Variants in ANKS6 observed in about 807,000 individuals in gnomAD.
The protein encoded by ANKS6 is ankyrin repeat and SAM domain-containing protein 6.
ANKS6 carries 47 observed loss-of-function variants against 77.9 expected under a neutral mutation model. That is an observed-to-expected ratio of 0.60 (90% confidence interval 0.48 to 0.77). ANKS6 has a LOEUF of 0.77. ANKS6 is among the 30% of genes least tolerant of loss of function. The pLI is 0.00. For missense variants in ANKS6, 1,150 were observed against 1,159.1 expected (o/e 0.99, Z 0.11); for synonymous variants, 488 against 501.7 (o/e 0.97, Z 0.37).
chr9:98,738,526 CCA>C (rs1176886144), intron 14 of ANKS6, among the ~76,000 whole-genome samples: 2 of 151,442 alleles, frequency 1.3e-5, no homozygotes, highest in Non-Finnish European at 2.9e-5. Context: ...TAAATCAAAA[CCA>C]CAATGTGGTA....
chr9:98,759,646 G>T (rs1207749385), intron 11 of ANKS6, among the ~76,000 whole-genome samples: 1 of 152,152 alleles, frequency 6.6e-6, no homozygotes, highest in East Asian at 1.9e-4. Context: ...GGTTTATATG[G>T]ATTATTATTC....
Position 98,796,542 on chromosome 9 carries a change from C to T in ANKS6, c.-51G>A, listed in dbSNP as rs1835190577. The T allele has an allele frequency of 9.3e-6, 9 of 969,254 alleles. No homozygotes were observed. Among genetic ancestry groups the T allele is most frequent in the Non-Finnish European group, 1.1e-5 (9 of 816,134 alleles). 60.0% of individuals were successfully genotyped at this position (969,254 alleles called of 1,614,324 possible). A position where few individuals can be genotyped will look rare whatever the true frequency, so the allele number is the denominator to read the frequency against. On this transcript the variant is annotated 5_prime_UTR_variant, in exon 1 of 15. Transcript: ENST00000353234. ...CCGTCCGCCCCGCCGGCCGCGTCGG[C>T]TCCGCCCCCGGATACCGCCCGCAGG...
chr9:98,745,698 C>T (rs766607229), intron 13 of ANKS6, 23 bp from the exon 14 acceptor site: 4 of 1,576,200 alleles, frequency 2.5e-6, no homozygotes, highest in Non-Finnish European at 3.5e-6. Flanking sequence ...AGGGGATTTG[C>T]CACCATCTGC....
At position 98,754,596 on chromosome 9, in the gene ANKS6, C is replaced by T. The variant is rs1446898210; in HGVS notation, c.2326+1824G>A. Among the ~76,000 whole-genome samples, 9 of 151,550 alleles carry T rather than the reference C, an allele frequency of 5.9e-5. No individual in the cohort carries two copies. The East Asian group carries it at 7.8e-4, about 13-fold the overall frequency. On this transcript the variant is annotated intron_variant, in intron 12 of 14. Coordinates refer to ENST00000353234, the MANE Select transcript of ANKS6 (RefSeq NM_173551.5). ...GGAGGAGCTTGCAGTGAGCCGAGATCGCGCCACTGCACTCCAGCATGGGTG... is the reference window on the plus strand; with the variant it reads ...GGAGGAGCTTGCAGTGAGCCGAGATTGCGCCACTGCACTCCAGCATGGGTG...
intron 10 of ANKS6, among the ~76,000 whole-genome samples, chr9:98,769,219 T>G (rs761294047): frequency 9.2e-5 from 14 of 152,044 alleles, no homozygotes; most frequent in Non-Finnish European, 1.8e-4. Context: ...ATGACTAACA[T>G]TTATAGAGGA....
At chr9:98,780,596 AGT>A in intron 5 of ANKS6, among the ~76,000 whole-genome samples, 1 of 152,228 alleles carries the variant, frequency 6.6e-6, no homozygotes, top group African/African-American at 2.4e-5. Flanking sequence ...TGTGTTTAAA[AGT>A]GCAGGCTTCA....
rs756699350 is a variant in ANKS6 at position 98,774,083 on chromosome 9, GAA to G, written c.1618-5_1618-4del. On this transcript the variant is annotated splice_polypyrimidine_tract_variant and splice_region_variant and intron_variant, in intron 8 of 14. Coordinates refer to ENST00000353234, the MANE Select transcript of ANKS6 (RefSeq NM_173551.5). ...GTGAGGGGAGCTCCGTTTCGAAGCT[GAA>G]AAAGACAGGCTGAGGGTTAGACAAG... The G allele has an allele frequency of 6.8e-7, 1 of 1,464,490 alleles. No homozygotes were observed. The highest frequency in any genetic ancestry group is 9.1e-7 in the Non-Finnish European group (1 of 1,101,804). The allele number at this position is 1,464,490 out of a possible 1,614,324, so 90.7% of individuals were successfully genotyped here. A position where few individuals can be genotyped will look rare whatever the true frequency, so the allele number is the denominator to read the frequency against.
intron 13 of ANKS6, among the ~76,000 whole-genome samples, chr9:98,746,939 G>A (rs1832168610): frequency 6.6e-6 from 1 of 152,258 alleles, no homozygotes; most frequent in Admixed American, 6.5e-5. Context: ...TTCAGCCAGA[G>A]CTAAGCAGGA....
intron 14 of ANKS6, among the ~76,000 whole-genome samples, chr9:98,738,034 G>T (rs544007339): frequency 6.6e-5 from 10 of 152,290 alleles, no homozygotes; most frequent in Non-Finnish European, 1.2e-4. Flanking sequence ...CTAGCCACAT[G>T]TAGGAGAATG....
At chr9:98,787,005 C>A (rs1037899244) in intron 2 of ANKS6, among the ~76,000 whole-genome samples, 26 of 152,306 alleles carry the variant, frequency 1.7e-4, no homozygotes, top group African/African-American at 6.3e-4. Flanking sequence ...AGCTCCAACT[C>A]CACACCACAA....
chr9:98,772,919 C>T (rs147758511), intron 9 of ANKS6, among the ~76,000 whole-genome samples: 11 of 152,304 alleles, frequency 7.2e-5, no homozygotes, highest in African/African-American at 2.4e-4. Flanking sequence ...ACCCAGACCA[C>T]CACCTCTTCT....
In ANKS6 at chr9:98,733,662, G is replaced by A. The variant is rs1831324783; in HGVS notation, c.*2857C>T. 1 of 985,494 alleles carries A rather than the reference G, an allele frequency of 1.0e-6. No homozygotes were observed. Among genetic ancestry groups the A allele is most frequent in the Non-Finnish European group, 1.2e-6 (1 of 829,956 alleles). 61.0% of individuals were successfully genotyped at this position (985,494 alleles called of 1,614,324 possible). On this transcript the variant is annotated 3_prime_UTR_variant, in exon 15 of 15. Transcript: ENST00000353234. ...AAAGCACCTTGGAGAAGTGATGAGAGTAATGTGGGAGATGCTATGAGTTTC... is the reference window on the plus strand; with the variant it reads ...AAAGCACCTTGGAGAAGTGATGAGAATAATGTGGGAGATGCTATGAGTTTC...
chr9:98,782,727 C>T (rs890303440), intron 4 of ANKS6, among the ~76,000 whole-genome samples, 154 bp from the exon 5 acceptor site: 4 of 152,146 alleles, frequency 2.6e-5, no homozygotes, highest in African/African-American at 4.8e-5. Flanking sequence ...TTCCCTAGCA[C>T]GTGGGCAGGT....
chr9:98,792,480 C>T (rs1310572085), intron 1 of ANKS6, among the ~76,000 whole-genome samples: 1 of 152,172 alleles, frequency 6.6e-6, no homozygotes. Context: ...TAAATTTGGT[C>T]AAACAAGCCA....
At chr9:98,787,458 C>G (rs1326674250) in intron 2 of ANKS6, among the ~76,000 whole-genome samples, 1 of 151,930 alleles carries the variant, frequency 6.6e-6, no homozygotes, top group African/African-American at 2.4e-5. Flanking sequence ...CTGCCTGTCT[C>G]CCCTTATCAA....
chr9:98,781,202 T>C lies in ANKS6; in HGVS notation c.1220-865A>G, dbSNP rs187668010. Among the ~76,000 whole-genome samples the C allele has an allele frequency of 6.1e-3, 927 of 152,312 alleles. 4 individuals carry two copies. The highest frequency in any genetic ancestry group is 0.011 in the Non-Finnish European group (716 of 68,018). ...GGCGTGAGCCATCCACGCCAGGTTA[T>C]TTCTTTTTTCTCTCCAAGTATTCAA... is the stretch of plus-strand genomic sequence containing the variant. On this transcript the variant is annotated intron_variant, in intron 5 of 14. Coordinates refer to ENST00000353234, the MANE Select transcript of ANKS6 (RefSeq NM_173551.5).
intron 11 of ANKS6, among the ~76,000 whole-genome samples, chr9:98,763,484 C>T (rs1440793568): frequency 6.6e-6 from 1 of 151,710 alleles, no homozygotes; most frequent in Non-Finnish European, 1.5e-5. Flanking sequence ...GTAGAAAAAG[C>T]ATCACATAGA....
intron 6 of ANKS6, 40 bp downstream of exon 6, chr9:98,780,149 C>A (rs777528750): frequency 6.2e-7 from 1 of 1,609,762 alleles, no homozygotes; most frequent in African/African-American, 1.3e-5. Flanking sequence ...GCCCCCATCT[C>A]CCTAGCCCCC....
At chr9:98,751,663 G>C (rs927277861) in intron 12 of ANKS6, among the ~76,000 whole-genome samples, 2 of 152,166 alleles carry the variant, frequency 1.3e-5, no homozygotes, top group African/African-American at 4.8e-5. Flanking sequence ...TCAGAACAGG[G>C]AGAATAAAGA....
Sources: allele counts gnomAD v4.1 joint callset (sites outside exome capture counted in the v4.1 genomes callset), GRCh38; gene constraint gnomAD v4.1.1; transcripts MANE v1.5; gene names NCBI Gene and HGNC (gene_info 2026-07-23, HGNC 2026-07-21).